RIGI: variants seen among roughly 807,000 people sequenced by gnomAD.
RIGI encodes antiviral innate immune response receptor RIG-I.
the RIGI span, chr9:32,467,714 T>C: frequency 6.7e-7 from 1 of 1,499,902 alleles, no homozygotes; most frequent in Non-Finnish European, 9.0e-7. Flanking sequence ...CACTTATAAA[T>C]CAGTCAAAAC....
the RIGI span, among the ~76,000 whole-genome samples, chr9:32,525,820 C>T: frequency 6.6e-6 from 1 of 152,108 alleles, no homozygotes; most frequent in African/African-American, 2.4e-5. Flanking sequence ...CAGCTTTGAA[C>T]CTAAATAGAT....
the RIGI span, chr9:32,459,263 C>T: frequency 7.8e-7 from 1 of 1,281,578 alleles, no homozygotes; most frequent in Non-Finnish European, 1.1e-6. Flanking sequence ...CAGATCATGG[C>T]CACAGTAACA....
At chr9:32,518,255 G>T in the RIGI span, among the ~76,000 whole-genome samples, 1 of 152,136 alleles carries the variant, frequency 6.6e-6, no homozygotes, top group Admixed American at 6.5e-5. Flanking sequence ...ACAAGTAGAC[G>T]AGAGAGATGT....
chr9:32,517,263 C>T, the RIGI span, among the ~76,000 whole-genome samples: 3 of 152,282 alleles, frequency 2.0e-5, no homozygotes, highest in South Asian at 2.1e-4. Flanking sequence ...ATTGGATTAC[C>T]GATTGGAGCA....
the RIGI span, among the ~76,000 whole-genome samples, chr9:32,479,400 C>A: frequency 4.6e-5 from 7 of 152,062 alleles, no homozygotes; most frequent in Non-Finnish European, 7.4e-5. Flanking sequence ...GCCAAAAAAA[C>A]CCCAAAATTA....
chr9:32,467,237 CTCTT>C, the RIGI span, among the ~76,000 whole-genome samples: 1 of 151,630 alleles, frequency 6.6e-6, no homozygotes, highest in Non-Finnish European at 1.5e-5. Flanking sequence ...ATTTTGGAAA[CTCTT>C]TAGCATCAAG....
the RIGI span, chr9:32,473,089 A>G: frequency 3.4e-5 from 51 of 1,507,780 alleles, no homozygotes; most frequent in African/African-American, 6.5e-4. Context: ...GCAATTATCA[A>G]TTGGACACTC....
At chr9:32,457,446 C>G in the RIGI span, 1 of 1,463,742 alleles carries the variant, frequency 6.8e-7, no homozygotes, top group Non-Finnish European at 9.2e-7. Context: ...GAATAACACA[C>G]AAAAGAGAAC....
chr9:32,459,838 A>G, the RIGI span, among the ~76,000 whole-genome samples: 1 of 152,342 alleles, frequency 6.6e-6, no homozygotes, highest in South Asian at 2.1e-4. Flanking sequence ...TTGGGAAAAA[A>G]AACAAAACCT....
At chr9:32,517,318 G>C in the RIGI span, among the ~76,000 whole-genome samples, 1 of 152,232 alleles carries the variant, frequency 6.6e-6, no homozygotes, top group African/African-American at 2.4e-5. Flanking sequence ...TCGTGAGTTT[G>C]TATTGCTATC....
the RIGI span, among the ~76,000 whole-genome samples, chr9:32,489,116 C>G: frequency 6.6e-6 from 1 of 152,048 alleles, no homozygotes; most frequent in African/African-American, 2.4e-5. Context: ...GGACACTTTT[C>G]TTTACCTTCT....
chr9:32,469,485 A>G, the RIGI span, among the ~76,000 whole-genome samples: 1 of 152,164 alleles, frequency 6.6e-6, no homozygotes, highest in Non-Finnish European at 1.5e-5. Flanking sequence ...TAAAGGGAAA[A>G]CTGTGAAGCA....
the RIGI span, chr9:32,492,543 G>C: frequency 6.2e-7 from 1 of 1,613,870 alleles, no homozygotes; most frequent in Admixed American, 1.7e-5. Context: ...GCAAATCTAA[G>C]CAAGGTAACT....
chr9:32,500,787 T>G, the RIGI span: 6 of 1,603,312 alleles, frequency 3.7e-6, no homozygotes, highest in Non-Finnish European at 5.1e-6. Flanking sequence ...GATTTGTGAT[T>G]AAAAAGAATG....
chr9:32,499,237 CT>C, the RIGI span, among the ~76,000 whole-genome samples: 64,977 of 143,068 alleles, frequency 0.45, 14,801 homozygotes, highest in South Asian at 0.52. Flanking sequence ...GATTTTAAGA[CT>C]TTTTTTAATA....
chr9:32,493,475 T>C, the RIGI span, among the ~76,000 whole-genome samples: 1 of 151,768 alleles, frequency 6.6e-6, no homozygotes, highest in African/African-American at 2.4e-5. Context: ...AATACAAAAA[T>C]TAGCTGGGCA....
chr9:32,473,171 T>C, the RIGI span: 1 of 663,958 alleles, frequency 1.5e-6, no homozygotes, highest in Non-Finnish European at 2.3e-6. Context: ...TTAGTACACG[T>C]ACAGTTTTCA....
the RIGI span, among the ~76,000 whole-genome samples, chr9:32,518,384 T>TAA: frequency 1.4e-5 from 2 of 140,412 alleles, no homozygotes; most frequent in African/African-American, 2.6e-5. Context: ...AATGACTGTT[T>TAA]AAAAAAAAAA....
chr9:32,460,471 A>G, the RIGI span, among the ~76,000 whole-genome samples: 1 of 152,194 alleles, frequency 6.6e-6, no homozygotes, highest in Non-Finnish European at 1.5e-5. Flanking sequence ...AAACAGAAAG[A>G]TCTCAAACTG....
Sources: gnomAD v4.1 joint callset for allele counts (sites outside exome capture counted in the v4.1 genomes callset) on GRCh38, gnomAD v4.1.1 for gene constraint, MANE v1.5 for transcripts, NCBI Gene and HGNC (gene_info 2026-07-23, HGNC 2026-07-21) for gene names.